Variants in TBCK observed in about 807,000 individuals in gnomAD.
TBCK encodes the protein TBC domain-containing protein kinase-like protein.
TBCK carries 99 observed loss-of-function variants against 113.4 expected under a neutral mutation model. The observed-to-expected ratio is 0.87, with a 90% confidence interval of 0.74 to 1.03. The LOEUF is 1.03. TBCK is among the 50% of genes least tolerant of loss of function. The probability of loss-of-function intolerance (pLI) is 0.00; values close to 1 mark genes in which losing one functional copy is unlikely to be tolerated. For synonymous variants in TBCK, 369 were observed against 370.8 expected (o/e 1.00, Z 0.05); for missense variants, 1,045 against 1,061.3 (o/e 0.98, Z 0.21).
At chr4:106,202,567 A>C (rs1755011639) in intron 20 of TBCK, among the ~76,000 whole-genome samples, 2 of 152,110 alleles carry the variant, frequency 1.3e-5, no homozygotes, top group South Asian at 4.1e-4. Context: ...TATTAAAAAG[A>C]AAAGAGAAAA....
rs765759448 is a variant in TBCK, at chr4:106,193,624, A to G, written c.2044T>C (p.Phe682Leu). The change falls in exon 22 of 26, where the codon TTC becomes CTC. Residue 682 changes from phenylalanine (F) to leucine (L), a missense_variant. Transcript: ENST00000394708. ...AGATCTATACCTGGTAAATCGGAGA[A>G]GAGAAGAATACACTCATTAAAGCCA... ...ANGFNECILL[F>L]SDLPEIDIER... 6.2e-7 allele frequency: 1 copy of G among 1,613,458 alleles called. No homozygotes were observed. The highest frequency in any genetic ancestry group is 1.1e-5 in the South Asian group (1 of 91,044).
intron 25 of TBCK, among the ~76,000 whole-genome samples, chr4:106,085,983 C>T (rs1402390924): frequency 1.3e-5 from 2 of 152,128 alleles, no homozygotes; most frequent in South Asian, 2.1e-4. Flanking sequence ...TAAATGTCCA[C>T]ATCAGAAAGC....
intron 24 of TBCK, among the ~76,000 whole-genome samples, chr4:106,115,890 C>T (rs1278106766): frequency 6.6e-6 from 1 of 152,112 alleles, no homozygotes; most frequent in Non-Finnish European, 1.5e-5. Context: ...TTATCTTTGC[C>T]ACAATTCCTA....
chr4:106,072,481 G>A (rs56100035), intron 25 of TBCK, among the ~76,000 whole-genome samples: 6,279 of 152,214 alleles, frequency 0.041, 435 homozygotes, highest in African/African-American at 0.14. Flanking sequence ...AGTTTGATGG[G>A]CTTCCCTTTG....
upstream of TBCK, chr4:106,316,553 T>A: frequency 6.4e-7 from 1 of 1,551,580 alleles, no homozygotes; most frequent in Non-Finnish European, 8.7e-7. Flanking sequence ...CCTACATGCT[T>A]CCTGCTGTGG....
intron 25 of TBCK, among the ~76,000 whole-genome samples, chr4:106,061,045 A>C (rs1027435021): frequency 4.3e-5 from 3 of 69,914 alleles, no homozygotes; most frequent in African/African-American, 1.8e-4. Flanking sequence ...TGAATGTGCA[A>C]AAAAAAAAGT....
At chr4:106,071,693 T>C (rs1215159709) in intron 25 of TBCK, among the ~76,000 whole-genome samples, 1 of 152,166 alleles carries the variant, frequency 6.6e-6, no homozygotes, top group East Asian at 1.9e-4. Context: ...ATACTGACAG[T>C]GGGATGTTGA....
intron 3 of TBCK, among the ~76,000 whole-genome samples, chr4:106,294,814 C>T (rs751158052): frequency 6.6e-6 from 1 of 152,132 alleles, no homozygotes; most frequent in Non-Finnish European, 1.5e-5. Context: ...TAGTGAAATG[C>T]TTAGTACTAA....
intron 22 of TBCK, among the ~76,000 whole-genome samples, chr4:106,173,756 C>T (rs186447703): frequency 6.6e-5 from 10 of 152,134 alleles, no homozygotes; most frequent in Admixed American, 3.9e-4. Flanking sequence ...TTCCAAAGCA[C>T]ATTATCATAA....
chr4:106,202,495 G>GT (rs1381008045), intron 20 of TBCK, among the ~76,000 whole-genome samples: 3 of 151,674 alleles, frequency 2.0e-5, no homozygotes, highest in African/African-American at 7.3e-5. Context: ...ATTTTTTGTT[G>GT]TTTTTTTACG....
intron 25 of TBCK, among the ~76,000 whole-genome samples, chr4:106,064,459 T>A (rs1347240866): frequency 2.0e-5 from 3 of 151,782 alleles, no homozygotes; most frequent in African/African-American, 7.3e-5. Context: ...TATGTTTAGA[T>A]GAATATTTCT....
At chr4:106,268,249 G>C (rs1317794823) in intron 3 of TBCK, among the ~76,000 whole-genome samples, 1 of 151,972 alleles carries the variant, frequency 6.6e-6, no homozygotes, top group Non-Finnish European at 1.5e-5. Context: ...GCTCTCCCTT[G>C]TGGTAGAATT....
At chr4:106,058,017 A>G (rs1735624540) in intron 25 of TBCK, among the ~76,000 whole-genome samples, 1 of 151,742 alleles carries the variant, frequency 6.6e-6, no homozygotes, top group Admixed American at 6.6e-5. Context: ...CAACTTGTGC[A>G]AAGGTGTAGT....
chr4:106,076,614 G>C (rs1738222109), intron 25 of TBCK, among the ~76,000 whole-genome samples: 1 of 152,144 alleles, frequency 6.6e-6, no homozygotes, highest in African/African-American at 2.4e-5. Flanking sequence ...TAGGTAACTA[G>C]AGAGAAGCGG....
rs1733915188 is a variant in TBCK, at chr4:106,042,325, T to C, written c.*4245A>G. 6.6e-6 allele frequency: 1 copy of C among 152,168 alleles called. No individual in the cohort carries two copies. Among genetic ancestry groups the C allele is most frequent in the South Asian group, 2.1e-4 (1 of 4,832 alleles). The allele number at this position is 152,168 out of a possible 1,614,324, so 9.4% of individuals were successfully genotyped here. ...TCAAGGCAGCAGTCTTCTCTCCTTG[T>C]AGTGGATTTTATTAAATAAGACTAC... On this transcript the variant is annotated 3_prime_UTR_variant, in exon 26 of 26. Coordinates refer to ENST00000394708, the MANE Select transcript of TBCK (RefSeq NM_001163435.3).
chr4:106,224,104 G>T (rs766972188), intron 19 of TBCK, among the ~76,000 whole-genome samples: 23 of 151,940 alleles, frequency 1.5e-4, no homozygotes, highest in Non-Finnish European at 2.6e-4. Flanking sequence ...AAGTCAGAAA[G>T]TAATTAAATT....
chr4:106,058,287 A>G (rs969061337), intron 25 of TBCK, among the ~76,000 whole-genome samples: 2 of 151,748 alleles, frequency 1.3e-5, no homozygotes, highest in Admixed American at 1.3e-4. Context: ...AAGCCTGAAA[A>G]AGGGAGTAAG....
chr4:106,276,609 G>A (rs953226048), intron 3 of TBCK, among the ~76,000 whole-genome samples: 3 of 152,142 alleles, frequency 2.0e-5, no homozygotes, highest in Non-Finnish European at 4.4e-5. Flanking sequence ...AGGCAAGCCT[G>A]GCCAGGCGCA....
chr4:106,129,009 T>C (rs1331280627), intron 23 of TBCK, among the ~76,000 whole-genome samples: 1 of 152,212 alleles, frequency 6.6e-6, no homozygotes, highest in Non-Finnish European at 1.5e-5. Context: ...TGATTTGAAA[T>C]GGCATCATTC....
Sources: allele counts gnomAD v4.1 joint callset (sites outside exome capture counted in the v4.1 genomes callset), GRCh38; gene constraint gnomAD v4.1.1; transcripts MANE v1.5; gene names NCBI Gene and HGNC (gene_info 2026-07-23, HGNC 2026-07-21).